Variants in SIX2 observed in about 807,000 individuals in gnomAD.
SIX2 encodes homeobox protein SIX2.
SIX2 carries 20 observed loss-of-function variants against 22.8 expected under a neutral mutation model. That is an observed-to-expected ratio of 0.88 (90% CI 0.62 to 1.28). SIX2 has a LOEUF of 1.28. SIX2 is among the 50% of genes most tolerant of loss of function. SIX2 has a pLI of 0.00. For synonymous variants in SIX2, 195 were observed against 186.4 expected (o/e 1.05, Z -0.37); for missense variants, 360 against 400.0 (o/e 0.90, Z 0.85).
intron 1 of SIX2, among the ~76,000 whole-genome samples, chr2:45,007,428 G>C (rs142109595): frequency 1.1e-3 from 163 of 152,232 alleles, no homozygotes; most frequent in African/African-American, 3.9e-3. Context: ...CACCAGCTTC[G>C]GGAGGGTTTT....
chr2:45,006,125 C>A lies in SIX2; in HGVS notation c.*45G>T. 1 of 1,602,706 alleles carries A rather than the reference C, an allele frequency of 6.2e-7. No individual in the cohort carries two copies. Among genetic ancestry groups the A allele is most frequent in the Non-Finnish European group, 8.6e-7 (1 of 1,169,424 alleles). On this transcript the variant is annotated 3_prime_UTR_variant, in exon 2 of 2. Coordinates refer to ENST00000303077, the MANE Select transcript of SIX2 (RefSeq NM_016932.5). This position sits in a 1 kb window ranked among gnomAD's most constrained non-coding sequence, Gnocchi z 4.2. ...CCCTGGACACCGCCACTCCACGTCC[C>A]CAGTGTCAAGTCACAAAAGGCAAGC...
At chr2:45,007,237 C>T (rs187734862) in intron 1 of SIX2, among the ~76,000 whole-genome samples, 1 of 152,294 alleles carries the variant, frequency 6.6e-6, no homozygotes, top group Admixed American at 6.5e-5. Flanking sequence ...TAACCAGCCA[C>T]TCCGGGAATC....
chr2:45,006,118 C>T lies in SIX2; in HGVS notation c.*52G>A. On this transcript the variant is annotated 3_prime_UTR_variant, in exon 2 of 2. Transcript: ENST00000303077. This position sits in a 1 kb window ranked among gnomAD's most constrained non-coding sequence, Gnocchi z 4.2. ...GGGGCGCCCCTGGACACCGCCACTC[C>T]ACGTCCCCAGTGTCAAGTCACAAAA... The T allele has an allele frequency of 6.3e-7, 1 of 1,596,584 alleles. No homozygotes were observed. The highest frequency in any genetic ancestry group is 1.7e-5 in the Admixed American group (1 of 60,018).
chr2:45,008,939 A>C lies in SIX2; in HGVS notation c.172T>G (p.Phe58Val). 6.2e-7 allele frequency: 1 copy of C among 1,613,848 alleles called. No individual in the cohort carries two copies. The highest frequency in any genetic ancestry group is 8.5e-7 in the Non-Finnish European group (1 of 1,179,954). The change falls in exon 1 of 2, where the codon TTC (phenylalanine) becomes GTC (valine). Residue 58 changes from phenylalanine to valine, a missense_variant. By Grantham distance (50) the Phe-to-Val change is conservative. Around this residue, in one of 3 missense-constraint regions of SIX2, gnomAD observed 118 missense variants for 135.1 expected, o/e 0.87. Coordinates refer to ENST00000303077, the MANE Select transcript of SIX2 (RefSeq NM_016932.5). ...AGCTCGCGGAAGTTGCCGCGGTGGA[A>C]GGCCACCACGGCCTTGGCCTTGAGC... Reference protein sequence around the residue: ...SVLKAKAVVAFHRGNFRELYK... With the variant: ...SVLKAKAVVAVHRGNFRELYK...
chr2:45,008,555 C>T lies in SIX2; in HGVS notation c.556G>A (p.Glu186Lys), dbSNP rs1391568042. 4 of 1,613,568 alleles carry T rather than the reference C, an allele frequency of 2.5e-6. No homozygotes were observed. The highest frequency in any genetic ancestry group is 1.3e-5 in the African/African-American group (1 of 74,942). Residue 186 changes from glutamate to lysine, a missense_variant, in exon 1 of 2, where the codon GAA (glutamate) becomes AAA (lysine). Glu to Lys is a moderately conservative substitution (Grantham distance 56). Around this residue, in one of 3 missense-constraint regions of SIX2, gnomAD observed 235 missense variants for 231.9 expected, o/e 1.01. Transcript: ENST00000303077. Reference protein sequence around the residue: ...RQRDRAAEAKERENNENSNSN... With the variant: ...RQRDRAAEAKKRENNENSNSN... ...AGAAGGTCTACTTACTCGTACCTTT[C>T]CTTGGCCTCGGCCGCCCGGTCGCGC...
intron 1 of SIX2, 113 bp downstream of exon 1, chr2:45,008,438 T>C (rs1667807902): frequency 8.8e-7 from 1 of 1,138,304 alleles, no homozygotes; most frequent in African/African-American, 1.5e-5. Flanking sequence ...CGCTGGGCTG[T>C]GGCCGGGCCT....
At chr2:45,008,140 G>T (rs1381989730) in intron 1 of SIX2, among the ~76,000 whole-genome samples, 1 of 152,210 alleles carries the variant, frequency 6.6e-6, no homozygotes, top group Admixed American at 6.5e-5. Flanking sequence ...AAGGCTGGGG[G>T]GAAATGCCGG....
In SIX2 at chr2:45,006,176, G is replaced by T; in HGVS notation, c.870C>A (p.Gly290=). ...NPMSANLVDL[G]S ...TCATCAAGGCAAATGGGTTCTAGGA[G>T]CCCAGGTCCACGAGGTTGGCTGACA... The change falls in exon 2 of 2, where the codon GGC becomes GGA. Residue 290 remains glycine, a synonymous_variant. Transcript: ENST00000303077. This position sits in a 1 kb window ranked among gnomAD's most constrained non-coding sequence, Gnocchi z 4.2. 6.2e-7 allele frequency: 1 copy of T among 1,614,184 alleles called. No homozygotes were observed. Among genetic ancestry groups the T allele is most frequent in the African/African-American group, 1.3e-5 (1 of 75,066 alleles).
chr2:45,007,490 T>C (rs1301673065), intron 1 of SIX2, among the ~76,000 whole-genome samples: 1 of 152,070 alleles, frequency 6.6e-6, no homozygotes, highest in Non-Finnish European at 1.5e-5. Flanking sequence ...AGCTGAGACC[T>C]CACCACTGTG....
chr2:45,009,036 G>A lies in SIX2; in HGVS notation c.75C>T (p.Gly25=). Residue 25 remains glycine (G), a synonymous_variant, in exon 1 of 2, where the codon GGC becomes GGT. Coordinates refer to ENST00000303077, the MANE Select transcript of SIX2 (RefSeq NM_016932.5). ...ACVCEVLQQG[G]NIERLGRFLW... ...GGAAGCGGCCCAGCCGCTCGATGTT[G>A]CCGCCCTGCTGCAGCACCTCGCACA... The A allele has an allele frequency of 6.2e-7, 1 of 1,609,050 alleles. No homozygotes were observed. Among genetic ancestry groups the A allele is most frequent in the Non-Finnish European group, 8.5e-7 (1 of 1,179,528 alleles).
rs761435514 is a variant in SIX2, at chr2:45,006,252, G to C, written c.794C>G (p.Ala265Gly). The change falls in exon 2 of 2, where the codon GCG becomes GGG. Residue 265 changes from alanine to glycine, a missense_variant. Transcript: ENST00000303077. The surrounding 1 kb of genome is among the most constrained non-coding windows in gnomAD (Gnocchi z 4.2). Reference sequence around the variant, plus strand: ...GCCATGGTGGTGTTGCAGTGGGTCCGCTCCACCTCCGCCTGGCACCGGCAC... The same window carrying C: ...GCCATGGTGGTGTTGCAGTGGGTCCCCTCCACCTCCGCCTGGCACCGGCAC... ...VPVPVPGGGG[A>G]DPLQHHHGLQ... 1 of 1,614,210 alleles carries C rather than the reference G, an allele frequency of 6.2e-7. No homozygotes were observed. The highest frequency in any genetic ancestry group is 1.1e-5 in the South Asian group (1 of 91,092).
At chr2:45,008,269 C>T (rs1413310696) in intron 1 of SIX2, among the ~76,000 whole-genome samples, 1 of 152,270 alleles carries the variant, frequency 6.6e-6, no homozygotes. Context: ...CACAGTTCTG[C>T]GCTGCCCCGA....
chr2:45,008,958 C>A lies in SIX2; in HGVS notation c.153G>T (p.Lys51Asn). The A allele has an allele frequency of 6.2e-7, 1 of 1,613,770 alleles. No homozygotes were observed. Among genetic ancestry groups the A allele is most frequent in the Non-Finnish European group, 8.5e-7 (1 of 1,179,976 alleles). ...GGTGGAAGGCCACCACGGCCTTGGC[C>A]TTGAGCACGCTTTCATTCTTGTGAA... ...EHLHKNESVL[K>N]AKAVVAFHRG... The change falls in exon 1 of 2, where the codon AAG becomes AAT. Residue 51 changes from lysine to asparagine, a missense_variant. Around this residue, in one of 3 missense-constraint regions of SIX2, gnomAD observed 118 missense variants for 135.1 expected, o/e 0.87. Coordinates refer to ENST00000303077, the MANE Select transcript of SIX2 (RefSeq NM_016932.5).
intron 1 of SIX2, 80 bp downstream of exon 1, chr2:45,008,471 C>T: frequency 6.7e-7 from 1 of 1,501,370 alleles, no homozygotes; most frequent in African/African-American, 1.4e-5. Flanking sequence ...TAGGCCTCTC[C>T]GGGGGACCGG....
rs1667730315 is a variant in SIX2 at position 45,005,361 on chromosome 2, T to G, written c.*809A>C. On this transcript the variant is annotated 3_prime_UTR_variant, in exon 2 of 2. Transcript: ENST00000303077. ...CAGTCCCGGGAGGAAGAGCGCGGTGTGGCGGGGCCTCGCCAAGAGAGAAGG... is the reference window on the plus strand; with the variant it reads ...CAGTCCCGGGAGGAAGAGCGCGGTGGGGCGGGGCCTCGCCAAGAGAGAAGG... 1 of 152,026 alleles carries G rather than the reference T, an allele frequency of 6.6e-6. No individual in the cohort carries two copies. Among genetic ancestry groups the G allele is most frequent in the African/African-American group, 2.4e-5 (1 of 41,378 alleles). 9.4% of individuals were successfully genotyped at this position (152,026 alleles called of 1,614,324 possible). A position where few individuals can be genotyped will look rare whatever the true frequency, so the allele number is the denominator to read the frequency against.
At position 45,006,161 on chromosome 2, in the gene SIX2, A is replaced by G; in HGVS notation, c.*9T>C. ...TCACAAAAGGCAAGCTCATCAAGGC[A>G]AATGGGTTCTAGGAGCCCAGGTCCA... On this transcript the variant is annotated 3_prime_UTR_variant, in exon 2 of 2. Transcript: ENST00000303077. The surrounding 1 kb of genome is among the most constrained non-coding windows in gnomAD (Gnocchi z 4.2). 1 of 1,614,176 alleles carries G rather than the reference A, an allele frequency of 6.2e-7. No homozygotes were observed. Among genetic ancestry groups the G allele is most frequent in the Non-Finnish European group, 8.5e-7 (1 of 1,179,984 alleles).
In SIX2 at chr2:45,007,423, G is replaced by C. The variant is rs546957617; in HGVS notation, c.561-938C>G. Among the ~76,000 whole-genome samples, 4 of 152,298 alleles carry C rather than the reference G, an allele frequency of 2.6e-5. 1 individual carries two copies. The South Asian group carries it at 8.3e-4, about 32-fold the overall frequency. On this transcript the variant is annotated intron_variant, in intron 1 of 1. Transcript: ENST00000303077. ...TCCTGGGTAGGATCTCTTGTCACCAGCTTCGGGAGGGTTTTTCTTTCTGCT... is the reference window on the plus strand; with the variant it reads ...TCCTGGGTAGGATCTCTTGTCACCACCTTCGGGAGGGTTTTTCTTTCTGCT...
At position 45,008,444 on chromosome 2, in the gene SIX2, G is replaced by T. The variant is rs914900175; in HGVS notation, c.560+107C>A. On this transcript the variant is annotated intron_variant, in intron 1 of 1. Transcript: ENST00000303077. ...CCGGGCTGCCGCTGGGCTGTGGCCG[G>T]GCCTGGGGGCCCAGTTTAGGCCTCT... The T allele has an allele frequency of 3.9e-5, 48 of 1,232,738 alleles. No homozygotes were observed. The African/African-American group carries it at 5.9e-4, about 15-fold the overall frequency. The allele number at this position is 1,232,738 out of a possible 1,614,324, so 76.4% of individuals were successfully genotyped here. A position where few individuals can be genotyped will look rare whatever the true frequency, so the allele number is the denominator to read the frequency against.
intron 1 of SIX2, among the ~76,000 whole-genome samples, chr2:45,007,866 G>C (rs1667793755): frequency 6.6e-6 from 1 of 152,130 alleles, no homozygotes; most frequent in Admixed American, 6.5e-5. Context: ...ATCAGAGGTA[G>C]GGCCTAAGGA....
Sources: allele counts gnomAD v4.1 joint callset (sites outside exome capture counted in the v4.1 genomes callset), GRCh38; gene constraint gnomAD v4.1.1; regional missense constraint gnomAD v4.1.1; non-coding constraint Gnocchi (gnomAD v3.1); transcripts MANE v1.5; gene names NCBI Gene and HGNC (gene_info 2026-07-23, HGNC 2026-07-21).